PEAK1: variants seen among roughly 807,000 people sequenced by gnomAD.
PEAK1 encodes pseudopodium enriched atypical kinase 1, also known as inactive tyrosine-protein kinase PEAK1.
PEAK1 carries 54 observed loss-of-function variants against 124.7 expected under a neutral mutation model. That is an observed-to-expected ratio of 0.43 (90% CI 0.35 to 0.54). The LOEUF is 0.54. Ranked by LOEUF, PEAK1 falls within the 20% of genes least tolerant of loss-of-function variation. PEAK1 has a pLI of 0.01. For missense variants in PEAK1, 2,046 were observed against 2,134.5 expected (o/e 0.96, Z 0.82); for synonymous variants, 719 against 760.0 (o/e 0.95, Z 0.89).
Position 77,186,671 on chromosome 15 carries a change from C to A in PEAK1, c.-114-4631G>T, listed in dbSNP as rs974969266. ...AACCGAGACATGAACCAGGCAAACA[C>A]CTTTAGCAAGCACCAGATGGAGCTG... On this transcript the variant is annotated intron_variant, in intron 6 of 9. Transcript: ENST00000682557. 2.0e-5 allele frequency among the ~76,000 whole-genome samples: 3 copies of A among 151,940 alleles called. No homozygotes were observed. In the East Asian group the frequency reaches 5.8e-4, roughly 29 times the overall value.
At position 77,148,419 on chromosome 15, in the gene PEAK1, A is replaced by G. The variant is rs2054327318; in HGVS notation, c.3331+10084T>C. Among the ~76,000 whole-genome samples the G allele has an allele frequency of 7.2e-5, 11 of 152,136 alleles. No individual in the cohort carries two copies. The South Asian group carries it at 2.3e-3, about 31-fold the overall frequency. The stretch of plus-strand genomic sequence containing the variant: ...GAACTGGATCTGCACAGCTGTCACT[A>G]TTTGTCACCTCTCCTCTGTTCCCTG... On this transcript the variant is annotated intron_variant, in intron 8 of 9. Transcript: ENST00000682557.
At chr15:77,167,232 C>T (rs1311869316) in intron 7 of PEAK1, among the ~76,000 whole-genome samples, 1 of 152,070 alleles carries the variant, frequency 6.6e-6, no homozygotes, top group African/African-American at 2.4e-5. Context: ...TCATAATGAA[C>T]TATGAAAAAG....
At chr15:77,391,579 A>G (rs1001583844) in intron 1 of PEAK1, among the ~76,000 whole-genome samples, 2 of 151,990 alleles carry the variant, frequency 1.3e-5, no homozygotes, top group Non-Finnish European at 2.9e-5. Flanking sequence ...ATGAAAAGCA[A>G]TATGATTTGA....
chr15:77,137,249 G>A (rs545086657), intron 8 of PEAK1, among the ~76,000 whole-genome samples: 85 of 152,322 alleles, frequency 5.6e-4, no homozygotes, highest in African/African-American at 1.8e-3. Context: ...ATGTGGGGTC[G>A]GAGCCCCCAC....
chr15:77,266,024 T>C (rs2061705883), intron 5 of PEAK1, among the ~76,000 whole-genome samples: 2 of 152,158 alleles, frequency 1.3e-5, no homozygotes, highest in Non-Finnish European at 1.5e-5. Context: ...ACACCGCATA[T>C]TCTCACTCAT....
intron 1 of PEAK1, among the ~76,000 whole-genome samples, chr15:77,388,481 G>A (rs1420212061): frequency 2.0e-5 from 3 of 152,036 alleles, no homozygotes; most frequent in South Asian, 4.1e-4. Flanking sequence ...AATAAAAGAC[G>A]ACTCATATTG....
At chr15:77,324,052 A>G (rs1421195191) in intron 2 of PEAK1, among the ~76,000 whole-genome samples, 1 of 152,238 alleles carries the variant, frequency 6.6e-6, no homozygotes, top group African/African-American at 2.4e-5. Context: ...CCTATTTAAC[A>G]AAGTTTAAGA....
intron 6 of PEAK1, among the ~76,000 whole-genome samples, chr15:77,224,093 C>T (rs920660238): frequency 6.6e-6 from 1 of 151,174 alleles, no homozygotes; most frequent in African/African-American, 2.4e-5. Context: ...TTTAAAATAT[C>T]TGAATCAAAA....
intron 7 of PEAK1, among the ~76,000 whole-genome samples, chr15:77,164,126 A>G (rs1241717568): frequency 1.3e-5 from 2 of 152,188 alleles, no homozygotes; most frequent in Non-Finnish European, 2.9e-5. Flanking sequence ...CCTCCTACGA[A>G]TGTGACATTT....
At chr15:77,342,753 T>G (rs955289921) in intron 2 of PEAK1, among the ~76,000 whole-genome samples, 1 of 152,186 alleles carries the variant, frequency 6.6e-6, no homozygotes, top group African/African-American at 2.4e-5. Flanking sequence ...TAGCATAATG[T>G]CTTCAAGTTC....
chr15:77,115,253 C>A lies in PEAK1; in HGVS notation c.4144G>T (p.Ala1382Ser). The change falls in exon 10 of 10, where the codon GCT (alanine) becomes TCT (serine). Residue 1382 changes from alanine (A) to serine (S), a missense_variant. Physicochemically the swap from Ala to Ser is moderately conservative, Grantham distance 99. Transcript: ENST00000682557. ...TCCTGCTGAATGTTAAAATGGACAG[C>A]CAGACTCTGCCGGACAGCCAAGCTG... is the stretch of plus-strand genomic sequence containing the variant. The part of the protein sequence containing the change: ...YHSLAVRQSL[A>S]VHFNIQQDCG... 6.2e-7 allele frequency: 1 copy of A among 1,614,174 alleles called. No individual in the cohort carries two copies. The highest frequency in any genetic ancestry group is 1.1e-5 in the South Asian group (1 of 91,080).
intron 7 of PEAK1, chr15:77,178,046 A>C (rs1458662359): frequency 6.6e-6 from 1 of 152,172 alleles, no homozygotes; most frequent in East Asian, 1.9e-4. Flanking sequence ...GCAAATTTAT[A>C]AGGATTTGAG....
At chr15:77,416,204 A>G (rs937599512) in intron 1 of PEAK1, among the ~76,000 whole-genome samples, 16 of 152,044 alleles carry the variant, frequency 1.1e-4, no homozygotes, top group African/African-American at 3.6e-4. Flanking sequence ...TTCCATGACA[A>G]ATCTCTATTT....
chr15:77,122,660 G>A (rs182527611), intron 9 of PEAK1, among the ~76,000 whole-genome samples: 11 of 152,262 alleles, frequency 7.2e-5, no homozygotes, highest in Admixed American at 5.2e-4. Context: ...ATTCCCAGTT[G>A]AGACTCAGGT....
chr15:77,347,453 T>G (rs1382268182), intron 2 of PEAK1: 1 of 985,220 alleles, frequency 1.0e-6, no homozygotes, highest in East Asian at 1.1e-4. Context: ...TTGTTCTAGA[T>G]AAGATCAACA....
chr15:77,183,949 T>C (rs1400812689), intron 6 of PEAK1, among the ~76,000 whole-genome samples: 1 of 152,006 alleles, frequency 6.6e-6, no homozygotes, highest in Admixed American at 6.6e-5. Flanking sequence ...CACCTCAGCC[T>C]CTGGAGTAGC....
At chr15:77,123,176 C>T (rs1321662667) in intron 9 of PEAK1, among the ~76,000 whole-genome samples, 2 of 152,166 alleles carry the variant, frequency 1.3e-5, no homozygotes, top group African/African-American at 4.8e-5. Flanking sequence ...TACCTACTAT[C>T]CCAATTCTGG....
In PEAK1 at chr15:77,180,071, C is replaced by T. The variant is rs780610460; in HGVS notation, c.1856G>A (p.Ser619Asn). 5 of 1,613,884 alleles carry T rather than the reference C, an allele frequency of 3.1e-6. No homozygotes were observed. Among genetic ancestry groups the T allele is most frequent in the Admixed American group, 1.7e-5 (1 of 59,988 alleles). Residue 619 changes from serine to asparagine, a missense_variant, in exon 7 of 10, where the codon AGT (serine) becomes AAT (asparagine). Coordinates refer to ENST00000682557, the MANE Select transcript of PEAK1 (RefSeq NM_001385026.1). ...GGGAACTTTGATAGCATTTTTGGAA[C>T]TCCGAGCATAAGTTGGCTCGTCATG... ...IIHDEPTYAR[S>N]SKNAIKVPIV...
At chr15:77,315,670 A>G (rs931143719) in intron 2 of PEAK1, among the ~76,000 whole-genome samples, 2 of 151,882 alleles carry the variant, frequency 1.3e-5, no homozygotes, top group Admixed American at 1.3e-4. Context: ...CAACAACTAT[A>G]TATTATATAT....
Sources: gnomAD v4.1 joint callset for allele counts (sites outside exome capture counted in the v4.1 genomes callset) on GRCh38, gnomAD v4.1.1 for gene constraint, MANE v1.5 for transcripts, NCBI Gene and HGNC (gene_info 2026-07-23, HGNC 2026-07-21) for gene names.